DAPK2: variants seen among roughly 807,000 people sequenced by gnomAD.
DAPK2 encodes death-associated protein kinase 2.
A neutral mutation model predicts 44.1 loss-of-function variants in DAPK2; 35 were observed. The observed-to-expected ratio is 0.79, with a 90% confidence interval of 0.61 to 1.05. DAPK2 has a LOEUF of 1.05. DAPK2 is among the 50% of genes least tolerant of loss of function. DAPK2 has a pLI of 0.00. For synonymous variants in DAPK2, 174 were observed against 182.6 expected (o/e 0.95, Z 0.38); for missense variants, 453 against 483.2 (o/e 0.94, Z 0.59).
intron 1 of DAPK2, among the ~76,000 whole-genome samples, chr15:64,028,153 G>A (rs985453380): frequency 2.6e-5 from 4 of 152,142 alleles, no homozygotes; most frequent in African/African-American, 4.8e-5. Context: ...CCACCTCTGC[G>A]GTTCAAGTGA....
chr15:63,949,901 G>T (rs979802686), intron 3 of DAPK2, among the ~76,000 whole-genome samples: 1 of 152,298 alleles, frequency 6.6e-6, no homozygotes, highest in Non-Finnish European at 1.5e-5. Context: ...AGGGTTTAAT[G>T]ATGTCTATTG....
chr15:64,043,927 C>A (rs763731543), upstream of DAPK2, among the ~76,000 whole-genome samples: 1 of 152,184 alleles, frequency 6.6e-6, no homozygotes, highest in Non-Finnish European at 1.5e-5. Flanking sequence ...AGTTCCCCAG[C>A]CTCCTTTCTC....
At chr15:63,988,769 G>C (rs1352753877) in intron 1 of DAPK2, among the ~76,000 whole-genome samples, 1 of 151,866 alleles carries the variant, frequency 6.6e-6, no homozygotes, top group East Asian at 1.9e-4. Flanking sequence ...GCCTCCCAAA[G>C]TGCTGGGATT....
intron 3 of DAPK2, among the ~76,000 whole-genome samples, chr15:63,949,731 G>T (rs1245626870): frequency 6.6e-6 from 1 of 152,150 alleles, no homozygotes; most frequent in Non-Finnish European, 1.5e-5. Flanking sequence ...GCTACAGAGG[G>T]CCCCATCCTT....
chr15:63,947,812 T>C (rs2077487800), intron 3 of DAPK2, among the ~76,000 whole-genome samples: 1 of 152,170 alleles, frequency 6.6e-6, no homozygotes, highest in African/African-American at 2.4e-5. Context: ...TGCCCAAACC[T>C]TCTTTCCTCC....
At position 63,917,719 on chromosome 15, in the gene DAPK2, T is replaced by G. The variant is rs2078965996; in HGVS notation, c.859-5522A>C. 6.6e-6 allele frequency: 1 copy of G among 152,142 alleles called. No homozygotes were observed. Among genetic ancestry groups the G allele is most frequent in the Admixed American group, 6.5e-5 (1 of 15,276 alleles). 9.4% of individuals were successfully genotyped at this position (152,142 alleles called of 1,614,324 possible). On this transcript the variant is annotated intron_variant, in intron 8 of 10. Coordinates refer to ENST00000261891, the Ensembl canonical transcript of DAPK2. The surrounding 1 kb of genome is among the most constrained non-coding windows in gnomAD (Gnocchi z 4.4). Reference sequence around the variant, plus strand: ...AATCTTGGCTCAGCCCCACCCCCCTTCCAGATTTTACTCATGCCTTCCTCA... The same window carrying G: ...AATCTTGGCTCAGCCCCACCCCCCTGCCAGATTTTACTCATGCCTTCCTCA...
Position 64,020,949 on chromosome 15 carries a change from C to T in DAPK2, c.92+19221G>A, listed in dbSNP as rs939503754. Reference sequence around the variant, plus strand: ...AAAGTGCCTTGCCCAGGTGCATTAACGTATTGGTAGCCAAAGTGGGATATG... The same window carrying T: ...AAAGTGCCTTGCCCAGGTGCATTAATGTATTGGTAGCCAAAGTGGGATATG... On this transcript the variant is annotated intron_variant, in intron 1 of 10. Coordinates refer to ENST00000261891, the Ensembl canonical transcript of DAPK2. This position sits in a 1 kb window ranked among gnomAD's most constrained non-coding sequence, Gnocchi z 4.5. Among the ~76,000 whole-genome samples, 5 of 152,210 alleles carry T rather than the reference C, an allele frequency of 3.3e-5. No individual in the cohort carries two copies. Among genetic ancestry groups the T allele is most frequent in the African/African-American group, 4.8e-5 (2 of 41,452 alleles).
rs368792810 is a variant in DAPK2, at chr15:63,912,196, G to A, written c.860C>T (p.Pro287Leu). The A allele has an allele frequency of 6.2e-6, 10 of 1,613,734 alleles. No individual in the cohort carries two copies. In the African/African-American group the frequency reaches 6.7e-5, roughly 11 times the overall value. ...CACCATGGCTTGCTGGTTGTCCACC[G>A]GCTGAGAGACAAAGCAGAGCATGGC... Residue 287 changes from proline to leucine, a missense_variant and splice_region_variant, in exon 9 of 11, where the codon CCG becomes CTG. By Grantham distance (98) the Pro-to-Leu change is moderately conservative. Transcript: ENST00000261891. This position sits in a 1 kb window ranked among gnomAD's most constrained non-coding sequence, Gnocchi z 4.4.
chr15:63,936,662 TG>T (rs2077161552), intron 4 of DAPK2, among the ~76,000 whole-genome samples: 2 of 151,510 alleles, frequency 1.3e-5, no homozygotes, highest in Admixed American at 1.3e-4. Flanking sequence ...CAGAATTTCA[TG>T]AAAAAGAAAA....
intron 8 of DAPK2, chr15:63,924,497 G>A: frequency 4.0e-6 from 1 of 248,880 alleles, no homozygotes; most frequent in Non-Finnish European, 7.7e-6. Flanking sequence ...TCCACTTGGA[G>A]AAGTGGCAGT....
intron 6 of DAPK2, among the ~76,000 whole-genome samples, chr15:63,927,740 TC>T (rs1229789708): frequency 1.5e-5 from 1 of 67,086 alleles, no homozygotes; most frequent in East Asian, 5.5e-4. Context: ...ACACTGGGAT[TC>T]CATTTTTTTT....
chr15:63,998,354 G>T (rs1413867893), intron 1 of DAPK2, among the ~76,000 whole-genome samples: 3 of 152,200 alleles, frequency 2.0e-5, no homozygotes, highest in Non-Finnish European at 4.4e-5. Context: ...GAGGTGGCAG[G>T]TCCAGGCTTT....
chr15:64,001,332 A>T (rs544740840), intron 1 of DAPK2, among the ~76,000 whole-genome samples: 1 of 152,270 alleles, frequency 6.6e-6, no homozygotes, highest in South Asian at 2.1e-4. Flanking sequence ...TTCCCCAAGC[A>T]GCTTGGCCCG....
chr15:64,039,937 T>A (rs923150011), intron 1 of DAPK2, among the ~76,000 whole-genome samples: 1 of 152,344 alleles, frequency 6.6e-6, no homozygotes, highest in Admixed American at 6.5e-5. Flanking sequence ...CCAGCTAGAT[T>A]ATGCTGAAAA....
At chr15:63,969,083 G>T (rs777472024) in intron 3 of DAPK2, among the ~76,000 whole-genome samples, 2 of 152,108 alleles carry the variant, frequency 1.3e-5, no homozygotes, top group African/African-American at 2.4e-5. Flanking sequence ...ACCCTGTGAC[G>T]CCTCAGTAAA....
At position 64,013,420 on chromosome 15, in the gene DAPK2, A is replaced by C. The variant is rs1464419513; in HGVS notation, c.92+26750T>G. On this transcript the variant is annotated intron_variant, in intron 1 of 10. Coordinates refer to ENST00000261891, the Ensembl canonical transcript of DAPK2. The surrounding 1 kb of genome is among the most constrained non-coding windows in gnomAD (Gnocchi z 4.7). ...ACTACACTACGTGCCTTTAAGACTT[A>C]GTAATTGGGCAGAAAAGTGAAACCA... Among the ~76,000 whole-genome samples, 1 of 152,232 alleles carries C rather than the reference A, an allele frequency of 6.6e-6. No individual in the cohort carries two copies. Among genetic ancestry groups the C allele is most frequent in the African/African-American group, 2.4e-5 (1 of 41,454 alleles).
At chr15:63,913,608 C>T (rs924173324) in intron 8 of DAPK2, among the ~76,000 whole-genome samples, 2 of 152,190 alleles carry the variant, frequency 1.3e-5, no homozygotes, top group African/African-American at 4.8e-5. Flanking sequence ...GGTCTTGTCT[C>T]CTAACCATGC....
intron 1 of DAPK2, among the ~76,000 whole-genome samples, chr15:63,988,550 G>T: frequency 6.6e-6 from 1 of 151,116 alleles, no homozygotes; most frequent in African/African-American, 2.4e-5. Flanking sequence ...TGTTGCCCAG[G>T]ATGGAGTACG....
At chr15:63,932,829 G>A (rs573932340) in intron 4 of DAPK2, among the ~76,000 whole-genome samples, 2 of 152,306 alleles carry the variant, frequency 1.3e-5, no homozygotes, top group East Asian at 1.9e-4. Flanking sequence ...CATACTGCAT[G>A]TGATTTATAG....
Sources: allele counts gnomAD v4.1 joint callset (sites outside exome capture counted in the v4.1 genomes callset), GRCh38; gene constraint gnomAD v4.1.1; non-coding constraint Gnocchi (gnomAD v3.1); transcripts MANE v1.5; gene names NCBI Gene and HGNC (gene_info 2026-07-23, HGNC 2026-07-21).